Variants in SLC5A11 observed in about 807,000 individuals in gnomAD.
SLC5A11 encodes the protein sodium/myo-inositol cotransporter 2.
SLC5A11 carries 48 observed loss-of-function variants against 69.8 expected under a neutral mutation model. That is an observed-to-expected ratio of 0.69 (90% CI 0.55 to 0.87). The LOEUF is 0.87. Among genes scored for constraint, SLC5A11 ranks in the 40% least tolerant of loss-of-function variants. The pLI is 0.00. For missense variants in SLC5A11, 784 were observed against 866.1 expected (o/e 0.91, Z 1.19); for synonymous variants, 319 against 342.4 (o/e 0.93, Z 0.75).
chr16:24,908,595 CAAAA>C (rs764700253), intron 13 of SLC5A11, among the ~76,000 whole-genome samples: 6 of 70,608 alleles, frequency 8.5e-5, no homozygotes, highest in Admixed American at 5.7e-4. Flanking sequence ...GAGACTGTCT[CAAAA>C]AAAAAAAAAA....
intron 1 of SLC5A11, among the ~76,000 whole-genome samples, chr16:24,851,053 C>CAT (rs1400545386): frequency 6.6e-6 from 1 of 151,594 alleles, no homozygotes; most frequent in Non-Finnish European, 1.5e-5. Flanking sequence ...TCAAGCAATC[C>CAT]ACCTGCCTCA....
At chr16:24,848,623 T>C (rs2059130693) in intron 1 of SLC5A11, among the ~76,000 whole-genome samples, 2 of 151,842 alleles carry the variant, frequency 1.3e-5, no homozygotes, top group South Asian at 4.2e-4. Context: ...AAATAAAAAA[T>C]TAGCTAGGCA....
intron 5 of SLC5A11, among the ~76,000 whole-genome samples, chr16:24,873,154 A>G (rs1251783176): frequency 7.4e-6 from 1 of 134,652 alleles, no homozygotes; most frequent in East Asian, 2.3e-4. Context: ...AGGAAAGGAA[A>G]GAAGGAAAGG....
At chr16:24,871,310 G>A (rs558118063) in intron 4 of SLC5A11, among the ~76,000 whole-genome samples, 26 of 152,096 alleles carry the variant, frequency 1.7e-4, no homozygotes, top group South Asian at 1.7e-3. Flanking sequence ...TCGCTCTGTC[G>A]CCCAAGCTGG....
At chr16:24,849,593 A>AAAAAAAAAAAAAATATATATATATATAT in intron 1 of SLC5A11, among the ~76,000 whole-genome samples, 2 of 35,906 alleles carry the variant, frequency 5.6e-5, no homozygotes, top group Non-Finnish European at 1.1e-4. Context: ...AAAAAAAAAA[A>AAAAAAAAAAAAAATATATATATATATAT]ATATATATAT....
At position 24,872,228 on chromosome 16, in the gene SLC5A11, G is replaced by T. The variant is rs756457537; in HGVS notation, c.372+9G>T. The T allele has an allele frequency of 6.2e-7, 1 of 1,614,060 alleles. No homozygotes were observed. The highest frequency in any genetic ancestry group is 1.7e-5 in the Admixed American group (1 of 60,004). On this transcript the variant is annotated intron_variant, in intron 5 of 15. Coordinates refer to ENST00000347898, the Ensembl canonical transcript of SLC5A11. ...TCTACATTGCTGGTCAGGTGAGTCG[G>T]GGGACATTGGGATGCTGTAGAATTG...
Position 24,858,745 on chromosome 16 carries a change from G to T in SLC5A11, c.102G>T (p.Leu34=), listed in dbSNP as rs1451346765. 3 of 1,611,740 alleles carry T rather than the reference G, an allele frequency of 1.9e-6. No individual in the cohort carries two copies. In the Admixed American group the frequency reaches 5.0e-5, roughly 27 times the overall value. The change falls in exon 2 of 16, where the codon CTG becomes CTT. Residue 34 remains leucine, a synonymous_variant. Transcript: ENST00000347898. ...CTGGGGACATCGCGGTGCTAGTTCT[G>T]TACTTCCTCTTTGTCCTGGCTGTTG...
intron 3 of SLC5A11, 87 bp from the exon 5 acceptor site, chr16:24,869,814 T>C: frequency 1.1e-6 from 1 of 941,386 alleles, no homozygotes. Flanking sequence ...CTCTTCTCTG[T>C]CCCTTTGGAG....
At chr16:24,875,675 A>T in exon 6 of SLC5A11, 2 of 1,613,974 alleles carry the variant, frequency 1.2e-6, no homozygotes, top group Non-Finnish European at 1.7e-6. Flanking sequence ...TGGCATCAGA[A>T]TCCCCATCAT....
chr16:24,853,771 T>C (rs2059413678), intron 1 of SLC5A11, among the ~76,000 whole-genome samples: 1 of 152,190 alleles, frequency 6.6e-6, no homozygotes, highest in Non-Finnish European at 1.5e-5. Context: ...TGAAATCACG[T>C]TTGCCTCAAA....
At chr16:24,875,111 T>G (rs969400872) in intron 5 of SLC5A11, among the ~76,000 whole-genome samples, 2 of 151,192 alleles carry the variant, frequency 1.3e-5, no homozygotes, top group Non-Finnish European at 2.9e-5. Context: ...AGTGCTAGGA[T>G]TACAGGTGTA....
At chr16:24,890,483 CAAAAAAAAAAAAA>C (rs1171814653) in intron 8 of SLC5A11, among the ~76,000 whole-genome samples, 1 of 77,530 alleles carries the variant, frequency 1.3e-5, no homozygotes, top group South Asian at 5.4e-4. Flanking sequence ...GACTTCATAT[CAAAAAAAAAAAAA>C]AAAAAAAAAA....
chr16:24,877,173 C>G, intron 6 of SLC5A11, 85 bp from the exon 8 acceptor site: 2 of 1,573,448 alleles, frequency 1.3e-6, no homozygotes, highest in Non-Finnish European at 1.7e-6. Context: ...AGGCTAGGCC[C>G]TGATCCCAGG....
chr16:24,900,340 T>C (rs1377217295), intron 10 of SLC5A11, among the ~76,000 whole-genome samples: 1 of 152,186 alleles, frequency 6.6e-6, no homozygotes, highest in Non-Finnish European at 1.5e-5. Context: ...TGGTTTGTAG[T>C]TGGCTCAGAA....
intron 7 of SLC5A11, among the ~76,000 whole-genome samples, chr16:24,881,840 C>A (rs1475388438): frequency 7.9e-6 from 1 of 126,164 alleles, no homozygotes; most frequent in Non-Finnish European, 1.9e-5. Flanking sequence ...TAAGCAGCAA[C>A]CCTGGTGGTA....
chr16:24,907,277 C>A lies in SLC5A11; in HGVS notation c.1265+102C>A, dbSNP rs1271264405. 3.9e-6 allele frequency: 5 copies of A among 1,272,914 alleles called. No homozygotes were observed. In the African/African-American group the frequency reaches 5.9e-5, roughly 15 times the overall value. The allele number at this position is 1,272,914 out of a possible 1,614,324, so 78.9% of individuals were successfully genotyped here. A position where few individuals can be genotyped will look rare whatever the true frequency, so the allele number is the denominator to read the frequency against. ...CCAGCAACCTATCCAGGCTGAAGAG[C>A]ATTAGGACTCCATGTGCAAGACATT... On this transcript the variant is annotated intron_variant, in intron 12 of 15. Transcript: ENST00000347898.
exon 6 of SLC5A11, chr16:24,875,651 C>T (rs774887402): frequency 3.6e-5 from 58 of 1,613,760 alleles, no homozygotes; most frequent in South Asian, 2.4e-4. Flanking sequence ...AGAATACCTA[C>T]GGAAGCGCTT....
At position 24,881,831 on chromosome 16, in the gene SLC5A11, A is replaced by G. The variant is rs543758467; in HGVS notation, c.584-2220A>G. Among the ~76,000 whole-genome samples the G allele has an allele frequency of 7.8e-5, 10 of 128,478 alleles. No homozygotes were observed. The South Asian group carries it at 2.4e-3, about 30-fold the overall frequency. The allele number at this position is 128,478 out of a possible 152,430, so 84.3% of individuals were successfully genotyped here. A position where few individuals can be genotyped will look rare whatever the true frequency, so the allele number is the denominator to read the frequency against. ...AAATGGCACCCCGTGGCACTGTGCT[A>G]AGCAGCAACCCTGGTGGTAAGAGTG... On this transcript the variant is annotated intron_variant, in intron 7 of 15. Coordinates refer to ENST00000347898, the Ensembl canonical transcript of SLC5A11.
At chr16:24,888,134 A>G (rs868231709) in intron 8 of SLC5A11, among the ~76,000 whole-genome samples, 2 of 152,170 alleles carry the variant, frequency 1.3e-5, no homozygotes, top group African/African-American at 2.4e-5. Context: ...CATTGAAAAA[A>G]ATTTTTTACA....
Sources: gnomAD v4.1 joint callset for allele counts (sites outside exome capture counted in the v4.1 genomes callset) on GRCh38, gnomAD v4.1.1 for gene constraint, MANE v1.5 for transcripts, NCBI Gene and HGNC (gene_info 2026-07-23, HGNC 2026-07-21) for gene names.